FMNL2: variants seen among roughly 807,000 people sequenced by gnomAD.
FMNL2 encodes formin like 2, also known as formin-like protein 2.
In FMNL2, 51 loss-of-function variants were observed where a neutral mutation model predicts 130.2. The observed-to-expected ratio is 0.39, with a 90% CI of 0.31 to 0.49. The LOEUF (loss-of-function observed/expected upper bound fraction) is 0.49. Among genes scored for constraint, FMNL2 ranks in the 20% least tolerant of loss-of-function variants. FMNL2 has a pLI of 0.85. For synonymous variants in FMNL2, 465 were observed against 467.1 expected (o/e 1.00, Z 0.06); for missense variants, 977 against 1,316.2 (o/e 0.74, Z 3.99).
intron 1 of FMNL2, among the ~76,000 whole-genome samples, chr2:152,464,844 C>T (rs759861517): frequency 1.6e-4 from 25 of 152,118 alleles, no homozygotes; most frequent in Non-Finnish European, 3.4e-4. Context: ...TTGTGCTTAG[C>T]GAAGTGGAGG....
intron 1 of FMNL2, among the ~76,000 whole-genome samples, chr2:152,383,105 G>T (rs781340880): frequency 1.3e-5 from 2 of 152,108 alleles, no homozygotes; most frequent in Non-Finnish European, 2.9e-5. Flanking sequence ...AAATAGGAGT[G>T]TGGTGAGGGA....
At chr2:152,531,587 G>C (rs1289738737) in intron 2 of FMNL2, among the ~76,000 whole-genome samples, 1 of 151,592 alleles carries the variant, frequency 6.6e-6, no homozygotes, top group Non-Finnish European at 1.5e-5. Context: ...TGATTCTCCT[G>C]CCTCCTGCCT....
intron 6 of FMNL2, among the ~76,000 whole-genome samples, chr2:152,570,187 G>C (rs1263512824): frequency 6.6e-6 from 1 of 152,110 alleles, no homozygotes; most frequent in African/African-American, 2.4e-5. Context: ...AATTTGTTTG[G>C]TTATGATCTT....
intron 10 of FMNL2, among the ~76,000 whole-genome samples, chr2:152,609,869 G>A (rs1698586322): frequency 6.6e-6 from 1 of 152,200 alleles, no homozygotes; most frequent in Admixed American, 6.5e-5. Flanking sequence ...CTCCTTGCCA[G>A]AGACTCTCCT....
intron 1 of FMNL2, among the ~76,000 whole-genome samples, chr2:152,514,010 A>AT (rs1199444203): frequency 1.3e-5 from 2 of 152,124 alleles, no homozygotes; most frequent in Non-Finnish European, 2.9e-5. Context: ...TGGACCATGA[A>AT]TATAGGTCAT....
At chr2:152,362,647 T>G (rs555917334) in intron 1 of FMNL2, among the ~76,000 whole-genome samples, 21 of 152,168 alleles carry the variant, frequency 1.4e-4, no homozygotes, top group African/African-American at 5.1e-4. Context: ...TTTAGAGTCA[T>G]GGTCATAATC....
intron 1 of FMNL2, among the ~76,000 whole-genome samples, chr2:152,506,158 T>G (rs1252630954): frequency 6.6e-6 from 1 of 152,200 alleles, no homozygotes; most frequent in Non-Finnish European, 1.5e-5. Flanking sequence ...TGATAAAAAT[T>G]TCTTTAGTTG....
At chr2:152,523,953 A>G (rs1336917171) in intron 2 of FMNL2, among the ~76,000 whole-genome samples, 1 of 152,208 alleles carries the variant, frequency 6.6e-6, no homozygotes, top group Non-Finnish European at 1.5e-5. Flanking sequence ...CATTATTGGC[A>G]GAGAGGGCAG....
intron 15 of FMNL2, among the ~76,000 whole-genome samples, chr2:152,624,956 G>GTAGTC (rs888010283): frequency 6.6e-6 from 1 of 152,130 alleles, no homozygotes; most frequent in Non-Finnish European, 1.5e-5. Context: ...TGTACTTCTG[G>GTAGTC]TAGTCTAGTC....
Position 152,619,594 on chromosome 2 carries a change from T to G in FMNL2, c.1713T>G (p.Pro571=), listed in dbSNP as rs544064602. The change falls in exon 15 of 26, where the codon CCT becomes CCG. Residue 571 remains proline (P), a synonymous_variant. Transcript: ENST00000288670. ...PPPPPPPPPP[P]PPLPGPAAET... Reference sequence around the variant, plus strand: ...CTCCTCCCCCACCGCCCCCTCCGCCTCCTCCTCTCCCAGGCCCTGCAGCTG... The same window carrying G: ...CTCCTCCCCCACCGCCCCCTCCGCCGCCTCCTCTCCCAGGCCCTGCAGCTG... 3.9e-5 allele frequency: 27 copies of G among 698,264 alleles called. No homozygotes were observed. The highest frequency in any genetic ancestry group is 1.8e-4 in the East Asian group (2 of 10,826). The allele number at this position is 698,264 out of a possible 1,614,324, so 43.3% of individuals were successfully genotyped here. A position where few individuals can be genotyped will look rare whatever the true frequency, so the allele number is the denominator to read the frequency against.
At chr2:152,571,529 C>T (rs1055642155) in intron 6 of FMNL2, among the ~76,000 whole-genome samples, 15 of 152,240 alleles carry the variant, frequency 9.9e-5, no homozygotes, top group African/African-American at 3.1e-4. Context: ...TTATAGTAAC[C>T]GTTTCACTTT....
intron 9 of FMNL2, among the ~76,000 whole-genome samples, chr2:152,588,256 C>T (rs1027145556): frequency 1.3e-5 from 2 of 152,216 alleles, no homozygotes; most frequent in African/African-American, 4.8e-5. Context: ...GATTCTTTGG[C>T]TTCCAGCCCC....
chr2:152,355,924 A>G (rs1366510964), intron 1 of FMNL2, among the ~76,000 whole-genome samples: 2 of 152,220 alleles, frequency 1.3e-5, no homozygotes, highest in African/African-American at 2.4e-5. Flanking sequence ...ACACAGTCCA[A>G]GCTCGTTCTC....
intron 1 of FMNL2, among the ~76,000 whole-genome samples, chr2:152,354,817 A>T (rs931219140): frequency 2.0e-5 from 3 of 152,208 alleles, no homozygotes; most frequent in Admixed American, 6.5e-5. Context: ...AGTCTGAGAT[A>T]AAATTCTCTG....
intron 1 of FMNL2, among the ~76,000 whole-genome samples, chr2:152,448,104 A>G (rs1688447431): frequency 6.6e-6 from 1 of 152,058 alleles, no homozygotes; most frequent in Admixed American, 6.5e-5. Flanking sequence ...TTTCTCCTAT[A>G]CCCATTGAAT....
At chr2:152,568,218 G>GGTTTTTTTTTTTTTTT (rs1270152711) in intron 6 of FMNL2, among the ~76,000 whole-genome samples, 2 of 34,860 alleles carry the variant, frequency 5.7e-5, no homozygotes, top group African/African-American at 1.7e-4. Flanking sequence ...ATTTTGGTGG[G>GGTTTTTTTTTTTTTTT]TTTTTTTTTT....
chr2:152,358,622 G>C (rs530986891), intron 1 of FMNL2, among the ~76,000 whole-genome samples: 2 of 146,838 alleles, frequency 1.4e-5, no homozygotes, highest in African/African-American at 5.1e-5. Flanking sequence ...GGGTGACAGA[G>C]CAAGACTGCA....
intron 1 of FMNL2, among the ~76,000 whole-genome samples, chr2:152,349,403 G>C (rs1380902252): frequency 6.6e-6 from 1 of 152,170 alleles, no homozygotes; most frequent in Non-Finnish European, 1.5e-5. Flanking sequence ...GGGTGTTAAC[G>C]TGGCCACTAC....
chr2:152,438,469 A>G (rs1368816338), intron 1 of FMNL2, among the ~76,000 whole-genome samples: 1 of 152,254 alleles, frequency 6.6e-6, no homozygotes, highest in Non-Finnish European at 1.5e-5. Flanking sequence ...AGCTTAATGC[A>G]GAAATACAGG....
Sources: allele counts gnomAD v4.1 joint callset (sites outside exome capture counted in the v4.1 genomes callset), GRCh38; gene constraint gnomAD v4.1.1; transcripts MANE v1.5; gene names NCBI Gene and HGNC (gene_info 2026-07-23, HGNC 2026-07-21).